Variants in TANGO6 observed in about 807,000 individuals in gnomAD.
TANGO6 encodes the protein transport and Golgi organization protein 6 homolog.
A neutral mutation model predicts 114.2 loss-of-function variants in TANGO6; 90 were observed. The observed-to-expected ratio is 0.79, with a 90% CI of 0.66 to 0.94. The LOEUF (loss-of-function observed/expected upper bound fraction) is 0.94, where lower values mean the gene tolerates loss of function less well. Among genes scored for constraint, TANGO6 ranks in the 40% least tolerant of loss-of-function variants. The pLI is 0.00. For missense variants in TANGO6, 1,274 were observed against 1,315.3 expected (o/e 0.97, Z 0.49); for synonymous variants, 477 against 509.8 (o/e 0.94, Z 0.87).
chr16:68,970,880 G>A (rs1033288333), intron 14 of TANGO6, among the ~76,000 whole-genome samples: 8 of 151,678 alleles, frequency 5.3e-5, no homozygotes, highest in Non-Finnish European at 5.9e-5. Flanking sequence ...GCTATGGGCC[G>A]GGCGCAGTGG....
At chr16:68,975,039 T>C (rs557966339) in intron 15 of TANGO6, among the ~76,000 whole-genome samples, 1 of 152,050 alleles carries the variant, frequency 6.6e-6, no homozygotes, top group South Asian at 2.1e-4. Flanking sequence ...GCCTGGGCAA[T>C]AGAGCGAGAC....
intron 14 of TANGO6, among the ~76,000 whole-genome samples, chr16:68,972,435 G>A (rs977064516): frequency 1.3e-5 from 2 of 152,162 alleles, no homozygotes; most frequent in African/African-American, 2.4e-5. Flanking sequence ...GTTTAAACAC[G>A]AGAATGGTAA....
intron 11 of TANGO6, among the ~76,000 whole-genome samples, chr16:68,914,958 TACACACACACAC>T (rs3061679): frequency 0.15 from 20,065 of 135,188 alleles, 1,414 homozygotes; most frequent in Admixed American, 0.17. Context: ...TTTTGATATC[TACACACACACAC>T]ACACACACAC....
intron 17 of TANGO6, among the ~76,000 whole-genome samples, chr16:69,065,501 C>T (rs905331172): frequency 3.3e-5 from 5 of 152,152 alleles, no homozygotes; most frequent in South Asian, 2.1e-4. Context: ...ACATGATACC[C>T]GCCTCATCTC....
chr16:68,844,385 C>T (rs1243722789), intron 1 of TANGO6, among the ~76,000 whole-genome samples: 2 of 152,100 alleles, frequency 1.3e-5, no homozygotes, highest in Non-Finnish European at 2.9e-5. Context: ...GACCTAGGCC[C>T]GAGATCTACT....
At chr16:68,969,044 T>C (rs1052067664) in intron 14 of TANGO6, among the ~76,000 whole-genome samples, 4 of 152,204 alleles carry the variant, frequency 2.6e-5, no homozygotes, top group African/African-American at 9.7e-5. Context: ...AGAATGCGTC[T>C]GTGAACTCTT....
chr16:68,973,267 T>G (rs1963727127), intron 14 of TANGO6: 1 of 401,836 alleles, frequency 2.5e-6, no homozygotes, highest in Admixed American at 3.3e-5. Flanking sequence ...ATTCCTTCTT[T>G]ACTTTTTTTC....
intron 13 of TANGO6, among the ~76,000 whole-genome samples, chr16:68,929,576 A>G (rs1166343681): frequency 1.3e-5 from 2 of 152,180 alleles, no homozygotes. Flanking sequence ...TGGAGCAGAC[A>G]CTTCCGTCTT....
intron 3 of TANGO6, among the ~76,000 whole-genome samples, chr16:68,866,351 C>T (rs376826932): frequency 9.9e-5 from 15 of 151,948 alleles, no homozygotes; most frequent in South Asian, 6.2e-4. Context: ...CGGCCGGGCG[C>T]GGTGGCTCAC....
intron 15 of TANGO6, among the ~76,000 whole-genome samples, chr16:69,012,563 A>AAAAAAAGG (rs1448600612): frequency 1.8e-4 from 26 of 146,378 alleles, no homozygotes; most frequent in African/African-American, 6.4e-4. Context: ...TCTCAAAAAA[A>AAAAAAAGG]AAAAAAAAAA....
intron 17 of TANGO6, among the ~76,000 whole-genome samples, chr16:69,051,946 C>CTTT (rs35401100): frequency 3.0e-5 from 4 of 135,326 alleles, no homozygotes; most frequent in Admixed American, 1.5e-4. Flanking sequence ...CTTTCTTTTT[C>CTTT]TTTTTTTTTT....
At chr16:68,945,639 C>G (rs1963406674) in intron 14 of TANGO6, among the ~76,000 whole-genome samples, 1 of 151,582 alleles carries the variant, frequency 6.6e-6, no homozygotes. Context: ...TTTATGAGTT[C>G]ATTGCCCATT....
At chr16:68,882,814 C>G (rs1486241867) in intron 7 of TANGO6, among the ~76,000 whole-genome samples, 1 of 151,804 alleles carries the variant, frequency 6.6e-6, no homozygotes, top group Non-Finnish European at 1.5e-5. Flanking sequence ...GTCAGTAGAT[C>G]AAGACCATCC....
intron 7 of TANGO6, among the ~76,000 whole-genome samples, chr16:68,893,847 C>T (rs1962666753): frequency 1.3e-5 from 2 of 151,382 alleles, no homozygotes; most frequent in Non-Finnish European, 2.9e-5. Flanking sequence ...TTTGCCTCCA[C>T]GTGATCAGGG....
Position 68,963,368 on chromosome 16 carries a change from C to G in TANGO6, c.2702-10660C>G, listed in dbSNP as rs569133862. The stretch of plus-strand genomic sequence containing the variant: ...TGACCCTAAAGTGATCCGCCCACCT[C>G]GGCCTCCCAAAGTGCTGGGATTACA... On this transcript the variant is annotated intron_variant, in intron 14 of 17. Coordinates refer to ENST00000261778, the MANE Select transcript of TANGO6 (RefSeq NM_024562.2). 7.2e-5 allele frequency among the ~76,000 whole-genome samples: 11 copies of G among 152,270 alleles called. No homozygotes were observed. In the East Asian group the frequency reaches 2.1e-3, roughly 29 times the overall value.
At chr16:69,007,118 C>A (rs886434197) in intron 15 of TANGO6, 3 of 152,176 alleles carry the variant, frequency 2.0e-5, no homozygotes. Context: ...ATCTCTGTAT[C>A]ATTCCAATTT....
chr16:69,029,960 T>C (rs558978606), intron 16 of TANGO6, among the ~76,000 whole-genome samples: 53 of 151,826 alleles, frequency 3.5e-4, no homozygotes, highest in African/African-American at 1.2e-3. Flanking sequence ...TTATAAAAAT[T>C]AGCTGAGAGT....
At chr16:68,922,688 G>A (rs1179659308) in intron 12 of TANGO6, among the ~76,000 whole-genome samples, 1 of 152,140 alleles carries the variant, frequency 6.6e-6, no homozygotes, top group Non-Finnish European at 1.5e-5. Flanking sequence ...AGCAGTTTCT[G>A]CATGATGTTG....
chr16:69,046,970 C>T (rs778279945), intron 17 of TANGO6, among the ~76,000 whole-genome samples: 3 of 151,610 alleles, frequency 2.0e-5, no homozygotes, highest in Admixed American at 1.3e-4. Flanking sequence ...CACCTGAGGT[C>T]GGGAGTTCGA....
Sources: allele counts gnomAD v4.1 joint callset (sites outside exome capture counted in the v4.1 genomes callset), GRCh38; gene constraint gnomAD v4.1.1; transcripts MANE v1.5; gene names NCBI Gene and HGNC (gene_info 2026-07-23, HGNC 2026-07-21).